Variants in RNF168 observed in about 807,000 individuals in gnomAD.
RNF168 encodes the protein E3 ubiquitin-protein ligase RNF168.
A neutral mutation model predicts 34.9 loss-of-function variants in RNF168; 34 were observed. The ratio of observed to expected loss-of-function variants is 0.97; its 90% CI spans 0.74 to 1.30. The LOEUF (loss-of-function observed/expected upper bound fraction) is 1.30, where lower values mean the gene tolerates loss of function less well. RNF168 is among the 50% of genes most tolerant of loss of function. The pLI is 0.00. For synonymous variants in RNF168, 264 were observed against 254.7 expected (o/e 1.04, Z -0.35); for missense variants, 725 against 682.5 (o/e 1.06, Z -0.69).
chr3:196,492,793 T>TAAATAAATA (rs1732627711), intron 1 of RNF168, among the ~76,000 whole-genome samples: 1 of 151,010 alleles, frequency 6.6e-6, no homozygotes, highest in African/African-American at 2.4e-5. Context: ...AATAAATAAA[T>TAAATAAATA]AAATAAATAA....
intron 1 of RNF168, 104 bp from the exon 2 acceptor site, chr3:196,488,787 C>A: frequency 3.2e-6 from 2 of 626,724 alleles, no homozygotes; most frequent in Non-Finnish European, 5.8e-6. Flanking sequence ...CTATTAATAA[C>A]TGCAGCAATA....
At position 196,481,597 on chromosome 3, in the gene RNF168, T is replaced by C. The variant is rs192245438; in HGVS notation, c.680+2173A>G. On this transcript the variant is annotated intron_variant, in intron 4 of 5. Coordinates refer to ENST00000318037, the MANE Select transcript of RNF168 (RefSeq NM_152617.4). ...GTGTATTTCATATTTATACAGCTAATTGAATAACTTACAGTGATTCATTTT... is the reference window on the plus strand; with the variant it reads ...GTGTATTTCATATTTATACAGCTAACTGAATAACTTACAGTGATTCATTTT... 4.5e-4 allele frequency among the ~76,000 whole-genome samples: 69 copies of C among 152,132 alleles called. No individual in the cohort carries two copies. The South Asian group carries it at 5.4e-3, about 12-fold the overall frequency.
rs1731935751 is a variant in RNF168, at chr3:196,468,906, T to C, written c.*2913A>G. ...GAGAGGAAAAAGGACCAGTACCTGC[T>C]AGTGACTGATACATTTATTAGTTTC... On this transcript the variant is annotated 3_prime_UTR_variant, in exon 6 of 6. Transcript: ENST00000318037. 1 of 152,146 alleles carries C rather than the reference T, an allele frequency of 6.6e-6. No homozygotes were observed. Among genetic ancestry groups the C allele is most frequent in the Non-Finnish European group, 1.5e-5 (1 of 68,020 alleles). 9.4% of individuals were successfully genotyped at this position (152,146 alleles called of 1,614,324 possible).
Position 196,472,552 on chromosome 3 carries a change from AAGAC to A in RNF168, c.979_982del (p.Val327Ter). The A allele has an allele frequency of 6.2e-7, 1 of 1,614,200 alleles. No individual in the cohort carries two copies. Among genetic ancestry groups the A allele is most frequent in the Non-Finnish European group, 8.5e-7 (1 of 1,180,036 alleles). Reference sequence around the variant, plus strand: ...TCTGGTTTTAGGTCGCTCGTGACTTAAGACACATAACTCTTTCCCATGATTGCTT... The same window carrying A: ...TCTGGTTTTAGGTCGCTCGTGACTTAACATAACTCTTTCCCATGATTGCTT... On this transcript the variant is annotated frameshift_variant, in exon 6 of 6. Coordinates refer to ENST00000318037, the MANE Select transcript of RNF168 (RefSeq NM_152617.4). LOFTEE classifies it low-confidence loss of function (END_TRUNC).
intron 4 of RNF168, among the ~76,000 whole-genome samples, chr3:196,480,212 T>A (rs932881477): frequency 1.3e-5 from 2 of 152,200 alleles, no homozygotes; most frequent in African/African-American, 2.4e-5. Context: ...TTAAAATATA[T>A]GTTTGCTGCT....
In RNF168 at chr3:196,502,921, G is replaced by T; in HGVS notation, c.253C>A (p.Pro85Thr). The T allele has an allele frequency of 6.2e-7, 1 of 1,614,076 alleles. No individual in the cohort carries two copies. Among genetic ancestry groups the T allele is most frequent in the South Asian group, 1.1e-5 (1 of 91,074 alleles). ...GACGCTCTAAGCTTGCACTCCCTGG[G>T]ATAGTGTTTTTGAATTATCGTCCAC... is the stretch of plus-strand genomic sequence containing the variant. The part of the protein sequence containing the change: ...ELWTIIQKHY[P>T]RECKLRASGQ... Residue 85 changes from proline (P) to threonine (T), a missense_variant, in exon 1 of 6, where the codon CCC (proline) becomes ACC (threonine). Physicochemically the swap from Pro to Thr is conservative, Grantham distance 38. Coordinates refer to ENST00000318037, the MANE Select transcript of RNF168 (RefSeq NM_152617.4).
chr3:196,493,787 G>C (rs1204518754), intron 1 of RNF168, among the ~76,000 whole-genome samples: 1 of 151,222 alleles, frequency 6.6e-6, no homozygotes, highest in African/African-American at 2.4e-5. Context: ...CTTCCAAAGT[G>C]CCAGGATTAC....
At chr3:196,475,181 A>G in intron 5 of RNF168, 50 bp downstream of exon 5, 2 of 1,017,182 alleles carry the variant, frequency 2.0e-6, no homozygotes, top group Non-Finnish European at 3.1e-6. Context: ...GCACTAATCT[A>G]CAGCATTAAT....
chr3:196,488,184 A>G (rs1732501642), intron 2 of RNF168, among the ~76,000 whole-genome samples: 1 of 152,196 alleles, frequency 6.6e-6, no homozygotes, highest in South Asian at 2.1e-4. Flanking sequence ...AAGTACATTA[A>G]AATTATCCAT....
chr3:196,483,711 C>T (rs890191843), intron 4 of RNF168, 59 bp downstream of exon 4: 1 of 1,453,380 alleles, frequency 6.9e-7, no homozygotes, highest in Non-Finnish European at 9.6e-7. Context: ...TCTATATGAA[C>T]AGAAAACACT....
Position 196,472,642 on chromosome 3 carries a change from A to T in RNF168, c.893T>A (p.Met298Lys), listed in dbSNP as rs777720877. The change falls in exon 6 of 6, where the codon ATG becomes AAG. Residue 298 changes from methionine to lysine, a missense_variant. Physicochemically the swap from Met to Lys is moderately conservative, Grantham distance 95. Coordinates refer to ENST00000318037, the MANE Select transcript of RNF168 (RefSeq NM_152617.4). ...GGCACCACAGGCACATAACCATGGC[A>T]TAGGGGACTCTATTGAAGAATCTGC... ...QGADSSIESP[M>K]PWLCACGAEW... is the part of the protein sequence containing the mutation. 3.1e-6 allele frequency: 5 copies of T among 1,612,294 alleles called. No individual in the cohort carries two copies. Among genetic ancestry groups the T allele is most frequent in the Non-Finnish European group, 4.2e-6 (5 of 1,178,442 alleles).
intron 1 of RNF168, among the ~76,000 whole-genome samples, chr3:196,497,562 C>G (rs746384891): frequency 6.6e-6 from 1 of 151,882 alleles, no homozygotes; most frequent in African/African-American, 2.4e-5. Context: ...CCCAGCTACT[C>G]AGGAGGCTGA....
Position 196,484,027 on chromosome 3 carries a change from G to A in RNF168, c.559-136C>T. The A allele has an allele frequency of 4.3e-6, 3 of 690,776 alleles. No homozygotes were observed. The South Asian group carries it at 5.0e-5, about 12-fold the overall frequency. 42.8% of individuals were successfully genotyped at this position (690,776 alleles called of 1,614,324 possible). On this transcript the variant is annotated intron_variant, in intron 3 of 5. Transcript: ENST00000318037. ...TATATTTAAATTCTGTACATCTCTT[G>A]AAGAATATTGACCATGCAAAAATCA...
chr3:196,483,339 A>C (rs1236387374), intron 4 of RNF168, among the ~76,000 whole-genome samples: 1 of 152,184 alleles, frequency 6.6e-6, no homozygotes, highest in Admixed American at 6.6e-5. Flanking sequence ...TCCACCTGGC[A>C]CCTGACCCTG....
At chr3:196,491,294 C>A (rs1732590322) in intron 1 of RNF168, among the ~76,000 whole-genome samples, 1 of 151,776 alleles carries the variant, frequency 6.6e-6, no homozygotes, top group African/African-American at 2.4e-5. Flanking sequence ...GCCTGGACGA[C>A]AGAGGGAGAT....
intron 1 of RNF168, among the ~76,000 whole-genome samples, chr3:196,497,863 A>G (rs1294204019): frequency 6.7e-6 from 1 of 150,368 alleles, no homozygotes; most frequent in Non-Finnish European, 1.5e-5. Context: ...TATTCAAAAT[A>G]CATAAATAAT....
Position 196,471,673 on chromosome 3 carries a change from A to C in RNF168, c.*146T>G. The C allele has an allele frequency of 1.4e-6, 1 of 698,168 alleles. No individual in the cohort carries two copies. Among genetic ancestry groups the C allele is most frequent in the Non-Finnish European group, 2.6e-6 (1 of 386,258 alleles). 43.2% of individuals were successfully genotyped at this position (698,168 alleles called of 1,614,324 possible). On this transcript the variant is annotated 3_prime_UTR_variant, in exon 6 of 6. Transcript: ENST00000318037. ...TGTGCAGAAGCTCATGTGTCTATGC[A>C]GTCCTTACAATCACACAGACCTTCA...
Position 196,503,186 on chromosome 3 carries a change from G to C in RNF168, c.-13C>G. On this transcript the variant is annotated 5_prime_UTR_variant, in exon 1 of 6. Coordinates refer to ENST00000318037, the MANE Select transcript of RNF168 (RefSeq NM_152617.4). ...TGGGTAGAGCCATTTCAATATGTTA[G>C]TAAAGCCGACTAAACAACGACACCT... The C allele has an allele frequency of 1.2e-6, 2 of 1,613,052 alleles. No individual in the cohort carries two copies. The highest frequency in any genetic ancestry group is 1.7e-6 in the Non-Finnish European group (2 of 1,179,090).
rs904176985 is a variant in RNF168 at position 196,486,016 on chromosome 3, C to A, written c.558+1383G>T. ...TCAACAGCATTCCCAGGTTACTCTG[C>A]CAGGCTCGTTCAAACCACTGGGCCC... On this transcript the variant is annotated intron_variant, in intron 3 of 5. Transcript: ENST00000318037. Among the ~76,000 whole-genome samples the A allele has an allele frequency of 2.2e-4, 34 of 152,148 alleles. 1 individual carries two copies. Among genetic ancestry groups the A allele is most frequent in the Admixed American group, 2.2e-3 (34 of 15,274 alleles).
Sources: allele counts gnomAD v4.1 joint callset (sites outside exome capture counted in the v4.1 genomes callset), GRCh38; gene constraint gnomAD v4.1.1; transcripts MANE v1.5; gene names NCBI Gene and HGNC (gene_info 2026-07-23, HGNC 2026-07-21).